Variants in DLG2 observed in about 807,000 individuals in gnomAD.
DLG2 encodes disks large homolog 2.
In DLG2, 45 loss-of-function variants were observed where a neutral mutation model predicts 132.5. That is an observed-to-expected ratio of 0.34 (90% CI 0.27 to 0.44). The LOEUF (loss-of-function observed/expected upper bound fraction) is 0.44, where lower values mean the gene tolerates loss of function less well. Ranked by LOEUF, DLG2 falls within the 20% of genes least tolerant of loss-of-function variation. The pLI, the probability that DLG2 is intolerant of heterozygous loss-of-function variation, is 1.00. For synonymous variants in DLG2, 424 were observed against 419.6 expected, an observed-to-expected ratio of 1.01 and a Z score of -0.13; for missense variants, 1,045 against 1,196.9, an observed-to-expected ratio of 0.87 and a Z score of 1.87.
Position 85,169,911 on chromosome 11 carries a change from G to T in DLG2, c.187-15260C>A, listed in dbSNP as rs554405271. Among the ~76,000 whole-genome samples, 3 of 152,076 alleles carry T rather than the reference G, an allele frequency of 2.0e-5. 1 individual carries two copies. The highest frequency in any genetic ancestry group is 7.2e-5 in the African/African-American group (3 of 41,496). On this transcript the variant is annotated intron_variant, in intron 4 of 27. Transcript: ENST00000376104. ...AAGCATGTCAAAGAGCTATACTTTT[G>T]GGTATCATTTTCTAAGCCCCAACAT... is the stretch of plus-strand genomic sequence containing the variant.
intron 11 of DLG2, among the ~76,000 whole-genome samples, chr11:84,019,605 T>C (rs1306263386): frequency 6.6e-6 from 1 of 152,168 alleles, no homozygotes; most frequent in East Asian, 1.9e-4. Flanking sequence ...TGTTTGAAGA[T>C]GATTATGTTA....
At chr11:84,680,704 T>C (rs1006287103) in intron 6 of DLG2, among the ~76,000 whole-genome samples, 1 of 152,186 alleles carries the variant, frequency 6.6e-6, no homozygotes, top group African/African-American at 2.4e-5. Flanking sequence ...TGGACAAAGG[T>C]AGCCTCTCCA....
chr11:84,267,446 G>A (rs925803843), intron 7 of DLG2, among the ~76,000 whole-genome samples: 10 of 152,228 alleles, frequency 6.6e-5, no homozygotes, highest in Middle Eastern at 3.4e-3. Flanking sequence ...CTTCAACTCC[G>A]TCCTTCATCT....
intron 16 of DLG2, among the ~76,000 whole-genome samples, chr11:83,850,950 GCA>G (rs2059635041): frequency 1.3e-5 from 2 of 152,124 alleles, no homozygotes; most frequent in Non-Finnish European, 2.9e-5. Flanking sequence ...GCCGAGGCGG[GCA>G]GATCACGAGG....
intron 3 of DLG2, among the ~76,000 whole-genome samples, chr11:85,520,980 T>G (rs1017023207): frequency 6.6e-6 from 1 of 152,102 alleles, no homozygotes; most frequent in Non-Finnish European, 1.5e-5. Context: ...TAGTACCCTA[T>G]AAGGACAGAC....
intron 6 of DLG2, among the ~76,000 whole-genome samples, chr11:84,852,678 G>T (rs572701914): frequency 1.4e-4 from 21 of 150,810 alleles, no homozygotes; most frequent in Non-Finnish European, 3.0e-4. Flanking sequence ...ATATAACCTG[G>T]TTCATTGTAC....
intron 9 of DLG2, among the ~76,000 whole-genome samples, chr11:84,135,852 G>A (rs1281386438): frequency 1.3e-5 from 2 of 152,124 alleles, no homozygotes; most frequent in Non-Finnish European, 2.9e-5. Flanking sequence ...GGCGCAGTGT[G>A]AGTAATACAT....
intron 6 of DLG2, among the ~76,000 whole-genome samples, chr11:84,998,910 G>A (rs1447659848): frequency 1.3e-5 from 2 of 151,702 alleles, no homozygotes; most frequent in African/African-American, 2.4e-5. Flanking sequence ...CTTACAGTGA[G>A]GATTCTCTCT....
At chr11:84,988,177 C>T (rs2056707837) in intron 6 of DLG2, among the ~76,000 whole-genome samples, 1 of 152,038 alleles carries the variant, frequency 6.6e-6, no homozygotes, top group Non-Finnish European at 1.5e-5. Context: ...AAATGCACAC[C>T]AAAAACACAA....
At chr11:84,355,322 T>C (rs569765477) in intron 7 of DLG2, among the ~76,000 whole-genome samples, 1 of 152,170 alleles carries the variant, frequency 6.6e-6, no homozygotes, top group African/African-American at 2.4e-5. Context: ...CTGCAAAATT[T>C]ATATGTTGAA....
At chr11:83,523,679 C>G (rs373077368) in intron 21 of DLG2, among the ~76,000 whole-genome samples, 2 of 152,164 alleles carry the variant, frequency 1.3e-5, no homozygotes, top group African/African-American at 4.8e-5. Flanking sequence ...AACAAATCTA[C>G]AGATGTTCAG....
chr11:85,230,027 T>C (rs1470176901), intron 4 of DLG2, among the ~76,000 whole-genome samples: 2 of 151,960 alleles, frequency 1.3e-5, no homozygotes, highest in Admixed American at 6.6e-5. Context: ...ATACCTAATG[T>C]AGATGATGGG....
At chr11:84,547,776 T>A (rs566042500) in intron 6 of DLG2, among the ~76,000 whole-genome samples, 103 of 152,208 alleles carry the variant, frequency 6.8e-4, no homozygotes, top group African/African-American at 2.4e-3. Flanking sequence ...GAGTTCACAA[T>A]TCATTATTGT....
chr11:84,036,270 A>G (rs1295963120), intron 11 of DLG2, among the ~76,000 whole-genome samples: 1 of 152,168 alleles, frequency 6.6e-6, no homozygotes, highest in African/African-American at 2.4e-5. Context: ...CTACTTGTAT[A>G]TCGTCACAGA....
At chr11:84,537,544 T>C (rs2099358587) in intron 6 of DLG2, among the ~76,000 whole-genome samples, 1 of 152,256 alleles carries the variant, frequency 6.6e-6, no homozygotes, top group South Asian at 2.1e-4. Context: ...TAACCATTTT[T>C]AAGTATACGG....
intron 25 of DLG2, among the ~76,000 whole-genome samples, chr11:83,467,462 T>C (rs962837346): frequency 1.3e-5 from 2 of 151,934 alleles, no homozygotes; most frequent in Non-Finnish European, 2.9e-5. Context: ...CTTAAACATA[T>C]GGTTGGTTGG....
chr11:84,592,621 G>A (rs1181959904), intron 6 of DLG2, among the ~76,000 whole-genome samples: 1 of 151,484 alleles, frequency 6.6e-6, no homozygotes, highest in Non-Finnish European at 1.5e-5. Context: ...AAATTTACAA[G>A]AAAAAAAGAA....
chr11:83,762,102 A>T (rs1031810322), intron 18 of DLG2, among the ~76,000 whole-genome samples: 2 of 152,238 alleles, frequency 1.3e-5, no homozygotes, highest in African/African-American at 2.4e-5. Context: ...TAAGATATTG[A>T]AGCCAAATAT....
intron 7 of DLG2, among the ~76,000 whole-genome samples, chr11:84,503,704 T>A (rs2099229455): frequency 6.6e-6 from 1 of 152,196 alleles, no homozygotes; most frequent in African/African-American, 2.4e-5. Flanking sequence ...TTAAGAAAAG[T>A]CTGAGTCAGC....
Sources: allele counts gnomAD v4.1 joint callset (sites outside exome capture counted in the v4.1 genomes callset), GRCh38; gene constraint gnomAD v4.1.1; transcripts MANE v1.5; gene names NCBI Gene and HGNC (gene_info 2026-07-23, HGNC 2026-07-21).